ATRX: variants seen among roughly 807,000 people sequenced by gnomAD.
The protein encoded by ATRX is ATRX chromatin remodeler.
ATRX carries 12 observed loss-of-function variants against 172.6 expected under a neutral mutation model. The observed-to-expected ratio is 0.07, with a 90% confidence interval of 0.04 to 0.11. The LOEUF (loss-of-function observed/expected upper bound fraction) is 0.11, where lower values mean the gene tolerates loss of function less well. Ranked by LOEUF, ATRX falls within the 10% of genes least tolerant of loss-of-function variation. ATRX has a pLI of 1.00. For synonymous variants in ATRX, 674 were observed against 594.7 expected (o/e 1.13, Z -1.94); for missense variants, 1,368 against 1,767.4 (o/e 0.77, Z 4.05).
chrX:77,610,933 T>C (rs1234773589), intron 22 of ATRX, among the ~76,000 whole-genome samples: 2 of 107,737 alleles, frequency 1.9e-5, no homozygotes, highest in East Asian at 5.7e-4. Flanking sequence ...ATTCCAGCCA[T>C]TAAAAAAATA....
At chrX:77,558,278 CAAAT>C (rs2064875737) in intron 29 of ATRX, among the ~76,000 whole-genome samples, 1 of 110,177 alleles carries the variant, frequency 9.1e-6, no homozygotes, top group East Asian at 2.8e-4. Context: ...AATAAATAAA[CAAAT>C]AACAGGAAAG....
At chrX:77,736,666 T>C (rs2074582803) in intron 1 of ATRX, among the ~76,000 whole-genome samples, 1 of 112,255 alleles carries the variant, frequency 8.9e-6, no homozygotes, top group Admixed American at 9.5e-5. Flanking sequence ...GGAGGTTCCT[T>C]ATAAAACTAA....
At chrX:77,675,687 T>C (rs45513393) in intron 10 of ATRX, 3,527 of 116,954 alleles carry the variant, frequency 0.03, 57 homozygotes, top group Middle Eastern at 0.089. Flanking sequence ...TGTATTTCTA[T>C]TTTATTTGAA....
chrX:77,696,561 A>C lies in ATRX; in HGVS notation c.370+16T>G. 8.3e-7 allele frequency: 1 copy of C among 1,201,655 alleles called. No individual in the cohort carries two copies. The highest frequency in any genetic ancestry group is 1.8e-5 in the South Asian group (1 of 55,667). ...TCATTTCAACTTTAACTTCATGAAA[A>C]ATTAACACACATTACCTTTTGGCAA... On this transcript the variant is annotated intron_variant, in intron 5 of 34. Coordinates refer to ENST00000373344, the MANE Select transcript of ATRX (RefSeq NM_000489.6).
chrX:77,756,686 A>T (rs887301199), intron 1 of ATRX, among the ~76,000 whole-genome samples: 1 of 110,533 alleles, frequency 9.0e-6, no homozygotes, highest in Non-Finnish European at 1.9e-5. Flanking sequence ...ACCAGTCCCA[A>T]TGAGATGAAC....
intron 15 of ATRX, among the ~76,000 whole-genome samples, chrX:77,636,865 AGGAGGAG>A (rs1370570816): frequency 1.1e-5 from 1 of 93,767 alleles, no homozygotes; most frequent in Non-Finnish European, 2.2e-5. Context: ...GGAAGGAGGG[AGGAGGAG>A]GGAGGAGGAG....
intron 28 of ATRX, among the ~76,000 whole-genome samples, chrX:77,563,063 T>C (rs977110320): frequency 8.9e-6 from 1 of 112,613 alleles, no homozygotes; most frequent in Non-Finnish European, 1.9e-5. Context: ...TTCCTTTCCC[T>C]AAGAGTCTTT....
intron 10 of ATRX, among the ~76,000 whole-genome samples, chrX:77,672,671 A>C (rs1557131590): frequency 9.0e-6 from 1 of 110,868 alleles, no homozygotes; most frequent in South Asian, 3.8e-4. Context: ...CAATCTCCAC[A>C]TCAAATTTCG....
Position 77,717,247 on chromosome X carries a change from T to C in ATRX, c.21-4A>G, listed in dbSNP as rs1197209284. 2.5e-5 allele frequency: 30 copies of C among 1,178,235 alleles called. No individual in the cohort carries two copies. The highest frequency in any genetic ancestry group is 3.2e-5 in the Non-Finnish European group (28 of 866,475). On this transcript the variant is annotated splice_polypyrimidine_tract_variant and splice_region_variant and intron_variant, in intron 1 of 34. Coordinates refer to ENST00000373344, the MANE Select transcript of ATRX (RefSeq NM_000489.6). ...CAATGTATTCAACTTGCTTTCACTA[T>C]TAAAACAAAATTTAAAGAATTCCCT... is the stretch of plus-strand genomic sequence containing the variant.
chrX:77,773,092 T>TCAA (rs2076221931), intron 1 of ATRX, among the ~76,000 whole-genome samples: 2 of 37,358 alleles, frequency 5.4e-5, no homozygotes, highest in Non-Finnish European at 4.2e-5. Flanking sequence ...AAATTTCAGC[T>TCAA]AAAAAAAAAA....
At chrX:77,591,869 T>C (rs2066270099) in intron 26 of ATRX, among the ~76,000 whole-genome samples, 1 of 112,137 alleles carries the variant, frequency 8.9e-6, no homozygotes, top group East Asian at 2.8e-4. Context: ...TCTGGGTTAC[T>C]ATACTGGAAA....
intron 4 of ATRX, among the ~76,000 whole-genome samples, chrX:77,697,302 G>C (rs1160380330): frequency 1.8e-5 from 2 of 111,243 alleles, no homozygotes; most frequent in Non-Finnish European, 3.8e-5. Context: ...GACATATATT[G>C]TCTAATGAAA....
intron 1 of ATRX, among the ~76,000 whole-genome samples, chrX:77,745,524 G>T (rs1397855165): frequency 9.0e-6 from 1 of 111,468 alleles, no homozygotes; most frequent in African/African-American, 3.3e-5. Context: ...CTTATTTGTG[G>T]TATCTAAAAA....
chrX:77,705,970 A>T (rs2072796815), intron 2 of ATRX, among the ~76,000 whole-genome samples: 1 of 110,182 alleles, frequency 9.1e-6, no homozygotes, highest in Non-Finnish European at 1.9e-5. Flanking sequence ...CCATATATCT[A>T]TGACCAGCTG....
chrX:77,755,647 G>A (rs2075463629), intron 1 of ATRX, among the ~76,000 whole-genome samples: 1 of 111,973 alleles, frequency 8.9e-6, no homozygotes, highest in African/African-American at 3.2e-5. Context: ...GTTTGCCTGG[G>A]TATCACCAGC....
At chrX:77,663,595 GCCTTTAAAATGCCTC>G (rs781939690) in intron 11 of ATRX, 37 bp from the exon 12 acceptor site, 1 of 1,143,938 alleles carries the variant, frequency 8.7e-7, no homozygotes, top group African/African-American at 1.8e-5. Flanking sequence ...ACCTTCTTCA[GCCTTTAAAATGCCTC>G]GTATATCTAT....
chrX:77,653,811 T>C (rs2069403705), intron 14 of ATRX, among the ~76,000 whole-genome samples: 1 of 111,552 alleles, frequency 9.0e-6, no homozygotes, highest in South Asian at 3.7e-4. Context: ...TCATTCAGGA[T>C]AGTATTTTGT....
At chrX:77,574,414 G>T (rs1022677335) in intron 27 of ATRX, 56 bp from the exon 28 acceptor site, 47 of 878,654 alleles carry the variant, frequency 5.3e-5, no homozygotes, top group Non-Finnish European at 7.6e-5. Flanking sequence ...CTGCTTACTG[G>T]TAAGAACAGA....
chrX:77,591,798 C>T (rs1985664937), intron 26 of ATRX, among the ~76,000 whole-genome samples: 1 of 111,661 alleles, frequency 9.0e-6, no homozygotes, highest in Non-Finnish European at 1.9e-5. Flanking sequence ...TTGAAAGTTC[C>T]CGTAAGTGAA....
Sources: allele counts gnomAD v4.1 joint callset (sites outside exome capture counted in the v4.1 genomes callset), GRCh38; gene constraint gnomAD v4.1.1; transcripts MANE v1.5; gene names NCBI Gene and HGNC (gene_info 2026-07-23, HGNC 2026-07-21).